The following MPC2 variants were observed in gnomAD, a reference collection of about 807,000 sequenced individuals.
The protein encoded by MPC2 is brain protein 44.
A neutral mutation model predicts 19.2 loss-of-function variants in MPC2; 19 were observed. The ratio of observed to expected loss-of-function variants is 0.99; its 90% CI spans 0.69 to 1.45. MPC2 has a LOEUF of 1.45. MPC2 is among the 40% of genes most tolerant of loss of function. The pLI is 0.00. For synonymous variants in MPC2, 61 were observed against 54.3 expected (o/e 1.12, Z -0.54); for missense variants, 122 against 153.0 (o/e 0.80, Z 1.07).
In MPC2 at chr1:167,925,480, T is replaced by TAC. The variant is rs1553200848; in HGVS notation, c.110-945_110-944dup. Among the ~76,000 whole-genome samples the TAC allele has an allele frequency of 4.0e-3, 537 of 134,838 alleles. 4 individuals are homozygous for TAC. The highest frequency in any genetic ancestry group is 0.014 in the African/African-American group (487 of 35,520). 88.5% of individuals were successfully genotyped at this position (134,838 alleles called of 152,430 possible). ...ATATATATATATATATATATACATA[T>TAC]ACATATACACACACATATATATATA... On this transcript the variant is annotated intron_variant, in intron 2 of 5. Transcript: ENST00000271373.
At chr1:167,922,823 A>C (rs1338902495) in intron 3 of MPC2, among the ~76,000 whole-genome samples, 21 of 152,188 alleles carry the variant, frequency 1.4e-4, no homozygotes, top group Admixed American at 1.4e-3. Context: ...CATTTAAGAG[A>C]ATTACAACAG....
At chr1:167,926,712 A>T (rs1198327563) in intron 2 of MPC2, among the ~76,000 whole-genome samples, 1 of 152,228 alleles carries the variant, frequency 6.6e-6, no homozygotes, top group African/African-American at 2.4e-5. Flanking sequence ...AGCCGCTCCC[A>T]GAAAGTAGAG....
chr1:167,920,134 C>A, intron 4 of MPC2, 44 bp from the exon 5 acceptor site: 1 of 1,225,040 alleles, frequency 8.2e-7, no homozygotes, highest in South Asian at 1.3e-5. Context: ...CATACTGCTT[C>A]AATAACTTCA....
chr1:167,936,790 C>G lies in MPC2; in HGVS notation c.-58+149G>C, dbSNP rs1571534755. ...CTGCTGCCACCGCCATCTAACGCTG[C>G]GCCCTGGAGGCCCGGCGCGCGGATG... On this transcript the variant is annotated intron_variant, in intron 1 of 5. Transcript: ENST00000271373. 1.5e-5 allele frequency: 13 copies of G among 852,874 alleles called. No individual in the cohort carries two copies. The East Asian group carries it at 3.6e-4, about 23-fold the overall frequency. The allele number at this position is 852,874 out of a possible 1,614,324, so 52.8% of individuals were successfully genotyped here. A position where few individuals can be genotyped will look rare whatever the true frequency, so the allele number is the denominator to read the frequency against.
chr1:167,924,489 A>G lies in MPC2; in HGVS notation c.150+8T>C. On this transcript the variant is annotated splice_region_variant and intron_variant, in intron 3 of 5. Coordinates refer to ENST00000271373, the MANE Select transcript of MPC2 (RefSeq NM_001143674.4). ...TTTCAGTAGCTTCCGTAAAAACTCA[A>G]GACTTACCCATTTCATAATTGGAGC... 6.3e-7 allele frequency: 1 copy of G among 1,593,052 alleles called. No individual in the cohort carries two copies.
At chr1:167,929,359 C>G (rs906774653) in intron 2 of MPC2, among the ~76,000 whole-genome samples, 1 of 148,750 alleles carries the variant, frequency 6.7e-6, no homozygotes, top group Non-Finnish European at 1.5e-5. Context: ...AACTCCGTCT[C>G]GAAAAAAGAA....
At chr1:167,921,413 G>C (rs950808981) in intron 3 of MPC2, among the ~76,000 whole-genome samples, 4 of 151,956 alleles carry the variant, frequency 2.6e-5, no homozygotes, top group African/African-American at 9.7e-5. Context: ...ATAGAGACGG[G>C]GTTTCACCAT....
At chr1:167,924,332 T>C (rs1334961400) in intron 3 of MPC2, 165 bp downstream of exon 3, 1 of 504,770 alleles carries the variant, frequency 2.0e-6, no homozygotes, top group Admixed American at 4.2e-5. Context: ...AGTAGATAGT[T>C]GCTTTATGTA....
chr1:167,925,397 AATAT>A (rs1355665980), intron 2 of MPC2, among the ~76,000 whole-genome samples: 2 of 143,184 alleles, frequency 1.4e-5, no homozygotes, highest in East Asian at 4.1e-4. Context: ...TTATTACCCT[AATAT>A]ATATGTATGT....
At chr1:167,920,269 A>G (rs1670568331) in intron 4 of MPC2, among the ~76,000 whole-genome samples, 179 bp from the exon 5 acceptor site, 1 of 152,250 alleles carries the variant, frequency 6.6e-6, no homozygotes, top group South Asian at 2.1e-4. Context: ...CAATTCTTAC[A>G]TGAAAGAGGA....
chr1:167,918,758 T>A (rs1296554651), intron 5 of MPC2, among the ~76,000 whole-genome samples: 1 of 152,002 alleles, frequency 6.6e-6, no homozygotes, highest in Non-Finnish European at 1.5e-5. Flanking sequence ...CACTTCTGGC[T>A]AATTTTTTGT....
At chr1:167,935,938 C>A in intron 1 of MPC2, 40 bp from the exon 2 acceptor site, 5 of 926,420 alleles carry the variant, frequency 5.4e-6, no homozygotes, top group Non-Finnish European at 8.5e-6. Flanking sequence ...CCTGCCACGA[C>A]GACTCGCGTC....
chr1:167,930,262 A>T (rs1211979923), intron 2 of MPC2, among the ~76,000 whole-genome samples: 2 of 152,220 alleles, frequency 1.3e-5, no homozygotes, highest in East Asian at 3.8e-4. Flanking sequence ...AGTAAAGAAC[A>T]GGTAAAGAGA....
intron 2 of MPC2, among the ~76,000 whole-genome samples, chr1:167,932,301 T>C (rs1474301520): frequency 6.6e-6 from 1 of 152,146 alleles, no homozygotes; most frequent in Non-Finnish European, 1.5e-5. Context: ...ACTGCAATAA[T>C]ATATTTTTGT....
Position 167,924,497 on chromosome 1 carries a change from C to T in MPC2, c.150G>A (p.Trp50Ter), listed in dbSNP as rs906889729. The change falls in exon 3 of 6, where the codon TGG (tryptophan) becomes TGA (stop). Residue 50 changes from tryptophan (W) to a stop codon, truncating the protein, a stop_gained and splice_region_variant. Transcript: ENST00000271373. LOFTEE classifies it high-confidence loss of function. ...TVFFWAPIMK[W>*]GLVCAGLADM... ...GCTTCCGTAAAAACTCAAGACTTAC[C>T]CATTTCATAATTGGAGCCCAGAAGA... The T allele has an allele frequency of 1.3e-6, 2 of 1,588,954 alleles. No individual in the cohort carries two copies. Among genetic ancestry groups the T allele is most frequent in the Non-Finnish European group, 1.7e-6 (2 of 1,169,490 alleles).
Position 167,935,742 on chromosome 1 carries a change from G to A in MPC2, c.100C>T (p.His34Tyr). 2 of 1,561,668 alleles carry A rather than the reference G, an allele frequency of 1.3e-6. No individual in the cohort carries two copies. Among genetic ancestry groups the A allele is most frequent in the African/African-American group, 1.4e-5 (1 of 73,688 alleles). Residue 34 changes from histidine (H) to tyrosine (Y), a missense_variant, in exon 2 of 6, where the codon CAT becomes TAT. Physicochemically the swap from His to Tyr is moderately conservative, Grantham distance 83 (BLOSUM62 2). Coordinates refer to ENST00000271373, the MANE Select transcript of MPC2 (RefSeq NM_001143674.4). ...ATTCAGGGTCCATTACCTGCTGGAT[G>A]GTTGTACAACGGCCTCAATTTCTCG... Reference protein sequence around the residue: ...LPEKLRPLYNHPAGPRTVFFW... With the variant: ...LPEKLRPLYNYPAGPRTVFFW...
At chr1:167,918,473 C>T (rs1483063202) in intron 5 of MPC2, 114 bp from the exon 6 acceptor site, 1 of 598,744 alleles carries the variant, frequency 1.7e-6, no homozygotes, top group Non-Finnish European at 2.8e-6. Flanking sequence ...AGTAGCTATA[C>T]AGTTGTAAAC....
At chr1:167,933,542 A>C (rs1365314531) in intron 2 of MPC2, among the ~76,000 whole-genome samples, 1 of 152,242 alleles carries the variant, frequency 6.6e-6, no homozygotes, top group Non-Finnish European at 1.5e-5. Flanking sequence ...TAGAATCAGC[A>C]ATGTATGATT....
chr1:167,917,002 A>C lies in MPC2; in HGVS notation c.*1321T>G, dbSNP rs1670467722. ...ACAAGGTTTTCAATTGCTAACTGCC[A>C]AATTTTCATAGGTTATAGTATTACT... is the stretch of plus-strand genomic sequence containing the variant. On this transcript the variant is annotated 3_prime_UTR_variant, in exon 6 of 6. Coordinates refer to ENST00000271373, the MANE Select transcript of MPC2 (RefSeq NM_001143674.4). The C allele has an allele frequency of 6.6e-6, 1 of 152,212 alleles. No individual in the cohort carries two copies. The highest frequency in any genetic ancestry group is 2.1e-4 in the South Asian group (1 of 4,834). The allele number at this position is 152,212 out of a possible 1,614,324, so 9.4% of individuals were successfully genotyped here. A position where few individuals can be genotyped will look rare whatever the true frequency, so the allele number is the denominator to read the frequency against.
Sources: gnomAD v4.1 joint callset for allele counts (sites outside exome capture counted in the v4.1 genomes callset) on GRCh38, gnomAD v4.1.1 for gene constraint, MANE v1.5 for transcripts, NCBI Gene and HGNC (gene_info 2026-07-23, HGNC 2026-07-21) for gene names.